MDM2: variants seen among roughly 807,000 people sequenced by gnomAD.
MDM2 encodes the protein MDM2 proto-oncogene, also known as E3 ubiquitin-protein ligase Mdm2.
MDM2 carries 11 observed loss-of-function variants against 64.3 expected under a neutral mutation model. The observed-to-expected ratio is 0.17, with a 90% CI of 0.11 to 0.28. MDM2 has a LOEUF of 0.28. Ranked by LOEUF, MDM2 falls within the 10% of genes least tolerant of loss-of-function variation. The pLI is 1.00. For synonymous variants in MDM2, 194 were observed against 192.9 expected, an observed-to-expected ratio of 1.01 and a Z score of -0.05; for missense variants, 388 against 577.1, an observed-to-expected ratio of 0.67 and a Z score of 3.36.
chr12:68,815,432 TC>T (rs1423294572), intron 3 of MDM2, among the ~76,000 whole-genome samples: 14 of 130,834 alleles, frequency 1.1e-4, no homozygotes, highest in South Asian at 2.3e-4. Flanking sequence ...AGTTTCTTCT[TC>T]TTTTTTTTTT....
rs1205140936 is a variant in MDM2 at position 68,824,163 on chromosome 12, C to T, written c.359-200C>T. ...TTTAATGTCTTGATTATACTTTACT[C>T]TTCTACATTAAAGTTGAATTATTTT... On this transcript the variant is annotated intron_variant, in intron 5 of 10. Coordinates refer to ENST00000258149, the MANE Select transcript of MDM2 (RefSeq NM_002392.6). 3 of 545,908 alleles carry T rather than the reference C, an allele frequency of 5.5e-6. No homozygotes were observed. The East Asian group carries it at 8.9e-5, about 16-fold the overall frequency. 33.8% of individuals were successfully genotyped at this position (545,908 alleles called of 1,614,324 possible).
At chr12:68,829,077 A>G in intron 8 of MDM2, 146 bp downstream of exon 8, 1 of 809,938 alleles carries the variant, frequency 1.2e-6, no homozygotes, top group South Asian at 2.1e-5. Context: ...AAATAAAACT[A>G]CTATATTGAT....
intron 5 of MDM2, among the ~76,000 whole-genome samples, chr12:68,823,590 A>G (rs1003898528): frequency 4.6e-5 from 7 of 152,006 alleles, no homozygotes; most frequent in African/African-American, 1.7e-4. Flanking sequence ...AATAGTTTTT[A>G]GTTTGTATTA....
Position 68,820,394 on chromosome 12 carries a change from C to G in MDM2, c.358+20C>G, listed in dbSNP as rs757991854. Reference sequence around the variant, plus strand: ...AGCAGGGTAAGTTAATTTTGAGCATCATGGATAAATACCATAAAAACGTTT... The same window carrying G: ...AGCAGGGTAAGTTAATTTTGAGCATGATGGATAAATACCATAAAAACGTTT... On this transcript the variant is annotated intron_variant, in intron 5 of 10. Transcript: ENST00000258149. 6.3e-6 allele frequency: 10 copies of G among 1,583,192 alleles called. No individual in the cohort carries two copies. Among genetic ancestry groups the G allele is most frequent in the Non-Finnish European group, 8.6e-6 (10 of 1,158,630 alleles).
At chr12:68,834,208 C>A (rs1004416929) in intron 8 of MDM2, among the ~76,000 whole-genome samples, 5 of 152,000 alleles carry the variant, frequency 3.3e-5, no homozygotes, top group Non-Finnish European at 4.4e-5. Context: ...TTTGGGAGGC[C>A]GAGGTGGCGG....
chr12:68,820,301 A>ATTTT, intron 4 of MDM2, 24 bp from the exon 5 acceptor site: 3 of 1,179,002 alleles, frequency 2.5e-6, no homozygotes, highest in Non-Finnish European at 3.5e-6. Flanking sequence ...ATCTCTTGTT[A>ATTTT]TTTTTTTTTT....
At chr12:68,839,074 T>C (rs1057501840) in intron 10 of MDM2, among the ~76,000 whole-genome samples, 200 bp from the exon 11 acceptor site, 2 of 148,628 alleles carry the variant, frequency 1.3e-5, no homozygotes, top group African/African-American at 2.5e-5. Context: ...TCTATTCTTT[T>C]AGTAAATTTC....
chr12:68,838,499 T>G (rs1441811855), intron 10 of MDM2, among the ~76,000 whole-genome samples: 1 of 152,194 alleles, frequency 6.6e-6, no homozygotes, highest in Non-Finnish European at 1.5e-5. Flanking sequence ...GCAGCAATAC[T>G]TGCTGTGAAA....
At chr12:68,850,389 CAG>C (rs901814949), downstream of MDM2, 7 of 151,604 alleles carry the variant, frequency 4.6e-5, no homozygotes, top group African/African-American at 1.7e-4. Flanking sequence ...CTCTTGAAAA[CAG>C]AGAAACTATT....
intron 2 of MDM2, 48 bp downstream of exon 2, chr12:68,809,340 A>C (rs1435006906): frequency 6.5e-7 from 1 of 1,542,424 alleles, no homozygotes; most frequent in African/African-American, 1.4e-5. Context: ...TTATTTTATG[A>C]AGTGATAAAC....
rs1880656902 is a variant in MDM2 at position 68,809,337 on chromosome 12, A to G, written c.99+45A>G. On this transcript the variant is annotated intron_variant, in intron 2 of 10. Coordinates refer to ENST00000258149, the MANE Select transcript of MDM2 (RefSeq NM_002392.6). ...GTAACTTTTAAGAATAATTTATTTT[A>G]TGAAGTGATAAACTAAATTTCGTAT... 3 of 1,546,768 alleles carry G rather than the reference A, an allele frequency of 1.9e-6. No homozygotes were observed. In the African/African-American group the frequency reaches 4.1e-5, roughly 21 times the overall value.
chr12:68,821,397 G>T (rs909871947), intron 5 of MDM2, among the ~76,000 whole-genome samples: 8 of 152,034 alleles, frequency 5.3e-5, no homozygotes, highest in African/African-American at 1.9e-4. Context: ...ACACTACACT[G>T]CTCCTAAAGC....
rs1820268737 is a variant in MDM2 at position 68,844,944 on chromosome 12, T to G, written c.*5095T>G. The G allele has an allele frequency of 5.1e-6, 1 of 194,838 alleles. No homozygotes were observed. Among genetic ancestry groups the G allele is most frequent in the African/African-American group, 2.3e-5 (1 of 43,126 alleles). The allele number at this position is 194,838 out of a possible 1,614,324, so 12.1% of individuals were successfully genotyped here. A position where few individuals can be genotyped will look rare whatever the true frequency, so the allele number is the denominator to read the frequency against. ...CACCACGCCCCGCTAATTTTTGTAT[T>G]TCTAGCAGAGATGAAGTTTCACTAT... is the stretch of plus-strand genomic sequence containing the variant. On this transcript the variant is annotated 3_prime_UTR_variant, in exon 11 of 11. Coordinates refer to ENST00000258149, the MANE Select transcript of MDM2 (RefSeq NM_002392.6).
chr12:68,839,247 C>G, intron 10 of MDM2, 27 bp from the exon 11 acceptor site: 2 of 1,593,898 alleles, frequency 1.3e-6, no homozygotes, highest in Non-Finnish European at 1.7e-6. Context: ...GTTACAGAAA[C>G]TGACTGTGTG....
At chr12:68,831,171 G>A (rs901985804) in intron 8 of MDM2, among the ~76,000 whole-genome samples, 1 of 152,092 alleles carries the variant, frequency 6.6e-6, no homozygotes, top group African/African-American at 2.4e-5. Flanking sequence ...AAAACGACAC[G>A]GACACACGTG....
At chr12:68,818,057 G>A (rs886411446) in intron 4 of MDM2, among the ~76,000 whole-genome samples, 1 of 152,228 alleles carries the variant, frequency 6.6e-6, no homozygotes, top group South Asian at 2.1e-4. Context: ...GCCTCCCAAA[G>A]TGCTGGGATT....
intron 5 of MDM2, among the ~76,000 whole-genome samples, chr12:68,820,901 A>G (rs1355022006): frequency 2.0e-5 from 3 of 152,196 alleles, no homozygotes; most frequent in Admixed American, 2.0e-4. Context: ...GCACATGTAT[A>G]TATACATGGG....
intron 8 of MDM2, among the ~76,000 whole-genome samples, chr12:68,832,116 G>C (rs1030338436): frequency 1.3e-5 from 2 of 152,158 alleles, no homozygotes; most frequent in African/African-American, 2.4e-5. Flanking sequence ...GTCCCTAGTT[G>C]TGAAAGCTTT....
At chr12:68,812,867 A>C (rs1881028427) in intron 2 of MDM2, among the ~76,000 whole-genome samples, 1 of 152,090 alleles carries the variant, frequency 6.6e-6, no homozygotes, top group Non-Finnish European at 1.5e-5. Flanking sequence ...TAAAATACTT[A>C]CAGTCTGGCT....
Sources: allele counts gnomAD v4.1 joint callset (sites outside exome capture counted in the v4.1 genomes callset), GRCh38; gene constraint gnomAD v4.1.1; transcripts MANE v1.5; gene names NCBI Gene and HGNC (gene_info 2026-07-23, HGNC 2026-07-21).